The following IMPG2 variants were observed in gnomAD, a reference collection of about 807,000 sequenced individuals.
IMPG2 encodes the protein IPM 200.
A neutral mutation model predicts 129.2 loss-of-function variants in IMPG2; 91 were observed. That is an observed-to-expected ratio of 0.70 (90% CI 0.59 to 0.84). The LOEUF (loss-of-function observed/expected upper bound fraction) is 0.84. IMPG2 is among the 40% of genes least tolerant of loss of function. IMPG2 has a pLI of 0.00. For synonymous variants in IMPG2, 510 were observed against 517.7 expected, an observed-to-expected ratio of 0.99 and a Z score of 0.20; for missense variants, 1,430 against 1,461.7, an observed-to-expected ratio of 0.98 and a Z score of 0.35.
intron 2 of IMPG2, among the ~76,000 whole-genome samples, chr3:101,315,205 TTTG>T (rs1246010162): frequency 6.6e-6 from 1 of 152,168 alleles, no homozygotes; most frequent in Non-Finnish European, 1.5e-5. Context: ...CCTGCCATTG[TTTG>T]TTGTTACTGT....
intron 18 of IMPG2, among the ~76,000 whole-genome samples, chr3:101,228,101 C>T (rs1022225797): frequency 3.9e-5 from 6 of 152,162 alleles, no homozygotes; most frequent in Admixed American, 6.5e-5. Context: ...ACTCAGCTAA[C>T]GCCCATTATG....
rs370038580 is a variant in IMPG2, at chr3:101,273,668, G to A, written c.741C>T (p.Ile247=). ...PAGEQIAEFS[I]HLLGKQYREE... ...CCCTGTACTGCTTCCCCAAAAGGTG[G>A]ATACTGAATTCTGCAATCTGTTCAC... Residue 247 remains isoleucine (I), a synonymous_variant, in exon 7 of 19, where the codon ATC becomes ATT. Coordinates refer to ENST00000193391, the MANE Select transcript of IMPG2 (RefSeq NM_016247.4). 1 of 1,613,910 alleles carries A rather than the reference G, an allele frequency of 6.2e-7. No individual in the cohort carries two copies. Among genetic ancestry groups the A allele is most frequent in the African/African-American group, 1.3e-5 (1 of 74,908 alleles).
chr3:101,246,071 T>C lies in IMPG2; in HGVS notation c.1274A>G (p.Asp425Gly). ...NTFQAAWPSA[D>G]ESITSSIPPL... is the part of the protein sequence containing the mutation. Reference sequence around the variant, plus strand: ...TGGAATACTGCTGGTGATGGATTCATCTGCTGAGGGCCATGCAGCTTGAAA... The same window carrying C: ...TGGAATACTGCTGGTGATGGATTCACCTGCTGAGGGCCATGCAGCTTGAAA... The change falls in exon 12 of 19, where the codon GAT (aspartate) becomes GGT (glycine). Residue 425 changes from aspartate to glycine, a missense_variant. Physicochemically the swap from Asp to Gly is moderately conservative, Grantham distance 94. Coordinates refer to ENST00000193391, the MANE Select transcript of IMPG2 (RefSeq NM_016247.4). 6.2e-7 allele frequency: 1 copy of C among 1,614,090 alleles called. No individual in the cohort carries two copies. The highest frequency in any genetic ancestry group is 1.3e-5 in the African/African-American group (1 of 75,032).
intron 11 of IMPG2, among the ~76,000 whole-genome samples, chr3:101,247,471 C>T (rs374283196): frequency 7.9e-5 from 12 of 152,278 alleles, no homozygotes; most frequent in African/African-American, 2.9e-4. Context: ...GTGGCACATG[C>T]CTGTAATCCC....
intron 13 of IMPG2, 131 bp downstream of exon 13, chr3:101,243,398 G>C: frequency 2.5e-6 from 2 of 811,264 alleles, no homozygotes; most frequent in Non-Finnish European, 4.1e-6. Context: ...GATACTATTT[G>C]TGAATGATAG....
Position 101,222,899 on chromosome 3 carries a change from CT to C in IMPG2, c.*4069del, listed in dbSNP as rs1220503404. ...TATTTTTTCTATATATAATCTTAAT[CT>C]TTAAAGAAGTAATTAAACATGAGAA... On this transcript the variant is annotated 3_prime_UTR_variant, in exon 19 of 19. Coordinates refer to ENST00000193391, the MANE Select transcript of IMPG2 (RefSeq NM_016247.4). 6.6e-6 allele frequency: 1 copy of C among 152,154 alleles called. No individual in the cohort carries two copies. Among genetic ancestry groups the C allele is most frequent in the Non-Finnish European group, 1.5e-5 (1 of 68,030 alleles). 9.4% of individuals were successfully genotyped at this position (152,154 alleles called of 1,614,324 possible).
chr3:101,316,480 A>AGGGG (rs2058786328), intron 2 of IMPG2, among the ~76,000 whole-genome samples: 1 of 152,062 alleles, frequency 6.6e-6, no homozygotes, highest in Non-Finnish European at 1.5e-5. Context: ...AAGATATATA[A>AGGGG]ATGACAGATA....
At chr3:101,275,422 A>G (rs753312906) in intron 6 of IMPG2, among the ~76,000 whole-genome samples, 4 of 152,230 alleles carry the variant, frequency 2.6e-5, no homozygotes, top group Non-Finnish European at 4.4e-5. Flanking sequence ...GCTTACCTCA[A>G]TGACAGTCCA....
chr3:101,276,833 A>C (rs1706844864), intron 4 of IMPG2, 120 bp from the exon 5 acceptor site: 11 of 677,752 alleles, frequency 1.6e-5, no homozygotes, highest in Middle Eastern at 2.7e-4. Context: ...GCTCCCAAGC[A>C]AAAGTACCAA....
chr3:101,270,720 A>G (rs1298797189), intron 7 of IMPG2, among the ~76,000 whole-genome samples: 1 of 152,098 alleles, frequency 6.6e-6, no homozygotes, highest in East Asian at 1.9e-4. Context: ...GAATGGCGTG[A>G]ACCCGGGAGG....
rs1457549119 is a variant in IMPG2 at position 101,231,036 on chromosome 3, T to C, written c.3343A>G (p.Ile1115Val). The C allele has an allele frequency of 2.5e-6, 4 of 1,614,138 alleles. No homozygotes were observed. The South Asian group carries it at 3.3e-5, about 13-fold the overall frequency. Residue 1115 changes from isoleucine to valine, a missense_variant, in exon 16 of 19, where the codon ATC becomes GTC. Transcript: ENST00000193391. ...AAGAAGTAGATGATAGCAGAAAAGA[T>C]GACAAGAAGTCCAACCACGGAGGCA... ...TIASVVGLLVIFSAIIYFFIR... is the reference protein window; with the variant it reads ...TIASVVGLLVVFSAIIYFFIR...
chr3:101,320,240 T>C (rs1278330487), intron 1 of IMPG2, 48 bp downstream of exon 1: 1 of 1,073,834 alleles, frequency 9.3e-7, no homozygotes, highest in Admixed American at 1.8e-5. Flanking sequence ...TTGAAGAACA[T>C]ATACTACAGA....
chr3:101,304,818 G>T (rs1707172194), intron 2 of IMPG2, among the ~76,000 whole-genome samples: 1 of 150,828 alleles, frequency 6.6e-6, no homozygotes. Flanking sequence ...TAACTGCATT[G>T]CATCTACTTG....
Position 101,257,870 on chromosome 3 carries a change from G to T in IMPG2, c.909-97C>A, listed in dbSNP as rs1486637855. 6 of 1,335,672 alleles carry T rather than the reference G, an allele frequency of 4.5e-6. No homozygotes were observed. In the Admixed American group the frequency reaches 6.9e-5, roughly 15 times the overall value. The allele number at this position is 1,335,672 out of a possible 1,614,324, so 82.7% of individuals were successfully genotyped here. On this transcript the variant is annotated intron_variant, in intron 9 of 18. Transcript: ENST00000193391. Reference sequence around the variant, plus strand: ...AGAACAAACATTGGACCTAGAGGGGGAGTCTCAAAGAGCATGGATTCCATC... The same window carrying T: ...AGAACAAACATTGGACCTAGAGGGGTAGTCTCAAAGAGCATGGATTCCATC...
intron 3 of IMPG2, among the ~76,000 whole-genome samples, chr3:101,298,007 C>A (rs1214426221): frequency 6.6e-6 from 1 of 152,178 alleles, no homozygotes; most frequent in Non-Finnish European, 1.5e-5. Flanking sequence ...GTGTTAAAGT[C>A]TCTCACTATT....
rs751910700 is a variant in IMPG2, at chr3:101,244,519, C to T, written c.1812G>A (p.Gly604=). The change falls in exon 13 of 19, where the codon GGG becomes GGA. Residue 604 remains glycine (G), a synonymous_variant. Coordinates refer to ENST00000193391, the MANE Select transcript of IMPG2 (RefSeq NM_016247.4). ...TAATCAGATCTACCTTTTGCCCAGA[C>T]CCTGAACCTAAACCACCGTCAAATA... ...ELIFDGGLGS[G]SGQKVDLITW... The T allele has an allele frequency of 6.2e-6, 10 of 1,603,596 alleles. No individual in the cohort carries two copies. The highest frequency in any genetic ancestry group is 6.8e-6 in the Non-Finnish European group (8 of 1,174,184).
chr3:101,274,218 A>G lies in IMPG2; in HGVS notation c.667-476T>C, dbSNP rs72932486. ...AAATAATAAATAAATAAAATAAATTAATAAAATAGTAAACATCTGGGTAAA... is the reference window on the plus strand; with the variant it reads ...AAATAATAAATAAATAAAATAAATTGATAAAATAGTAAACATCTGGGTAAA... On this transcript the variant is annotated intron_variant, in intron 6 of 18. Transcript: ENST00000193391. Among the ~76,000 whole-genome samples the G allele has an allele frequency of 3.0e-3, 464 of 152,160 alleles. 1 individual carries two copies. The highest frequency in any genetic ancestry group is 0.01 in the African/African-American group (436 of 41,548).
intron 9 of IMPG2, among the ~76,000 whole-genome samples, chr3:101,261,789 T>C (rs1706674255): frequency 6.6e-6 from 1 of 151,918 alleles, no homozygotes; most frequent in African/African-American, 2.4e-5. Flanking sequence ...AGGTACAGAA[T>C]AAAAGAAAAC....
intron 3 of IMPG2, among the ~76,000 whole-genome samples, chr3:101,301,446 C>T (rs1172800093): frequency 2.6e-5 from 4 of 152,116 alleles, no homozygotes; most frequent in Admixed American, 1.3e-4. Flanking sequence ...AAAGTATGCC[C>T]GCACTAAGTC....
Sources: gnomAD v4.1 joint callset for allele counts (sites outside exome capture counted in the v4.1 genomes callset) on GRCh38, gnomAD v4.1.1 for gene constraint, MANE v1.5 for transcripts, NCBI Gene and HGNC (gene_info 2026-07-23, HGNC 2026-07-21) for gene names.